HNRNPD: variants seen among roughly 807,000 people sequenced by gnomAD.
HNRNPD encodes the protein heterogeneous nuclear ribonucleoprotein D, also known as heterogeneous nuclear ribonucleoprotein D0.
In HNRNPD, 3 loss-of-function variants were observed where a neutral mutation model predicts 47.9. The ratio of observed to expected loss-of-function variants is 0.06; its 90% CI spans 0.03 to 0.16. HNRNPD has a LOEUF of 0.16. Among genes scored for constraint, HNRNPD ranks in the 10% least tolerant of loss-of-function variants. The pLI, the probability that HNRNPD is intolerant of heterozygous loss-of-function variation, is 1.00. For synonymous variants in HNRNPD, 171 were observed against 165.1 expected (o/e 1.04, Z -0.28); for missense variants, 287 against 454.2 (o/e 0.63, Z 3.35).
rs986204080 is a variant in HNRNPD, at chr4:82,358,457, T to C, written c.621+202A>G. On this transcript the variant is annotated intron_variant, in intron 4 of 8. Transcript: ENST00000313899. ...TACTCTACCCCAGCAATACTCTGCA[T>C]AGAGTAGGTGCTCAATGAGAAAAAC... is the stretch of plus-strand genomic sequence containing the variant. 8 of 523,038 alleles carry C rather than the reference T, an allele frequency of 1.5e-5. No homozygotes were observed. The Admixed American group carries it at 2.9e-4, about 19-fold the overall frequency. 32.4% of individuals were successfully genotyped at this position (523,038 alleles called of 1,614,324 possible).
intron 2 of HNRNPD, 68 bp from the exon 3 acceptor site, chr4:82,359,707 A>C (rs1349441802): frequency 5.8e-6 from 6 of 1,040,698 alleles, no homozygotes; most frequent in Non-Finnish European, 6.9e-6. Flanking sequence ...CACATCAATA[A>C]CACACCTTTT....
intron 2 of HNRNPD, among the ~76,000 whole-genome samples, chr4:82,363,369 T>C (rs1420449172): frequency 6.6e-6 from 1 of 152,210 alleles, no homozygotes; most frequent in Non-Finnish European, 1.5e-5. Context: ...CATGCCCGGC[T>C]AAATTATCTA....
At position 82,373,856 on chromosome 4, in the gene HNRNPD, C is replaced by T; in HGVS notation, c.-178G>A. On this transcript the variant is annotated 5_prime_UTR_variant, in exon 1 of 9. Transcript: ENST00000313899. ...CCTGCGCCTCTCCCTGGCCTGCCCCCTTCGCCTCCCACTCTCGCGCGGCGC... is the reference window on the plus strand; with the variant it reads ...CCTGCGCCTCTCCCTGGCCTGCCCCTTTCGCCTCCCACTCTCGCGCGGCGC... The T allele has an allele frequency of 5.1e-6, 7 of 1,362,764 alleles. No individual in the cohort carries two copies. The highest frequency in any genetic ancestry group is 5.8e-6 in the Non-Finnish European group (6 of 1,036,738). The allele number at this position is 1,362,764 out of a possible 1,614,324, so 84.4% of individuals were successfully genotyped here. A position where few individuals can be genotyped will look rare whatever the true frequency, so the allele number is the denominator to read the frequency against.
At chr4:82,364,319 T>C (rs1034985799) in intron 2 of HNRNPD, among the ~76,000 whole-genome samples, 4 of 152,342 alleles carry the variant, frequency 2.6e-5, no homozygotes, top group Admixed American at 1.3e-4. Context: ...AAGTCCAAGA[T>C]TGTTTTCCCA....
intron 3 of HNRNPD, among the ~76,000 whole-genome samples, chr4:82,359,254 A>T (rs1021432200): frequency 6.6e-6 from 1 of 152,176 alleles, no homozygotes; most frequent in Non-Finnish European, 1.5e-5. Flanking sequence ...AGTATCTTTA[A>T]AGTTAATTTC....
At chr4:82,370,077 G>T (rs1719962675) in intron 2 of HNRNPD, among the ~76,000 whole-genome samples, 1 of 152,204 alleles carries the variant, frequency 6.6e-6, no homozygotes, top group African/African-American at 2.4e-5. Context: ...GGGAGGTGGA[G>T]GTTGCGCTGA....
intron 1 of HNRNPD, among the ~76,000 whole-genome samples, chr4:82,372,432 ATT>A (rs1560441005): frequency 6.6e-6 from 1 of 152,180 alleles, no homozygotes. Context: ...ACAATACAGG[ATT>A]TGTTTCTCTT....
At chr4:82,362,563 T>C (rs962141771) in intron 2 of HNRNPD, among the ~76,000 whole-genome samples, 1 of 152,214 alleles carries the variant, frequency 6.6e-6, no homozygotes, top group South Asian at 2.1e-4. Flanking sequence ...ATTCCATCTT[T>C]ACTAAATGGA....
intron 1 of HNRNPD, among the ~76,000 whole-genome samples, chr4:82,371,788 C>T (rs1364858523): frequency 6.6e-6 from 1 of 152,178 alleles, no homozygotes; most frequent in Non-Finnish European, 1.5e-5. Context: ...GTGCCTCTGT[C>T]CAAAGAACAG....
At position 82,373,434 on chromosome 4, in the gene HNRNPD, C is replaced by T. The variant is rs773822184; in HGVS notation, c.233+12G>A. On this transcript the variant is annotated intron_variant, in intron 1 of 8. Transcript: ENST00000313899. ...AGTTGGGCCTGACTATCCTGGGATG[C>T]CCCTTACTCACCCTTCATCCTCCTC... is the stretch of plus-strand genomic sequence containing the variant. The T allele has an allele frequency of 1.9e-6, 3 of 1,571,358 alleles. No individual in the cohort carries two copies. Among genetic ancestry groups the T allele is most frequent in the East Asian group, 2.3e-5 (1 of 43,146 alleles).
At chr4:82,367,262 C>T (rs561410376) in intron 2 of HNRNPD, among the ~76,000 whole-genome samples, 2 of 152,156 alleles carry the variant, frequency 1.3e-5, no homozygotes, top group South Asian at 4.1e-4. Flanking sequence ...TCTCAATCAG[C>T]TTTGTAAGGT....
chr4:82,371,422 G>T, intron 2 of HNRNPD, 106 bp downstream of exon 2: 1 of 842,402 alleles, frequency 1.2e-6, no homozygotes, highest in Non-Finnish European at 1.9e-6. Flanking sequence ...ATGTACTATG[G>T]TCTAGAATTT....
Position 82,373,664 on chromosome 4 carries a change from C to G in HNRNPD, c.15G>C (p.Gln5His), listed in dbSNP as rs1020865681. Residue 5 changes from glutamine (Q) to histidine (H), a missense_variant, in exon 1 of 9, where the codon CAG (glutamine) becomes CAC (histidine). Physicochemically the swap from Gln to His is conservative, Grantham distance 24 (BLOSUM62 0). Around this residue, in one of 5 missense-constraint regions of HNRNPD, gnomAD observed 161 missense variants for 137.1 expected, o/e 1.17. Transcript: ENST00000313899. The stretch of plus-strand genomic sequence containing the variant: ...CTGCCGCCGCCCCGTCCCCGCCGAA[C>G]TGCTCCTCCGACATAGTGCTAGTGT... MSEE[Q>H]FGGDGAAAAA... 2.0e-6 allele frequency: 3 copies of G among 1,528,964 alleles called. No individual in the cohort carries two copies. The South Asian group carries it at 3.6e-5, about 18-fold the overall frequency. 94.7% of individuals were successfully genotyped at this position (1,528,964 alleles called of 1,614,324 possible).
intron 2 of HNRNPD, among the ~76,000 whole-genome samples, chr4:82,360,712 T>C (rs897163893): frequency 1.3e-5 from 2 of 152,080 alleles, no homozygotes; most frequent in African/African-American, 4.8e-5. Context: ...ATAAAGAAAT[T>C]AAAGGCCTTT....
intron 7 of HNRNPD, chr4:82,356,292 TA>T: frequency 2.5e-6 from 1 of 401,238 alleles, no homozygotes; most frequent in Non-Finnish European, 4.4e-6. Flanking sequence ...TTAAAATTTT[TA>T]AATCCAAGTA....
chr4:82,369,336 C>T (rs933741124), intron 2 of HNRNPD, among the ~76,000 whole-genome samples: 1 of 152,116 alleles, frequency 6.6e-6, no homozygotes, highest in Admixed American at 6.5e-5. Flanking sequence ...GGAGGGCATA[C>T]TATGGAAATA....
chr4:82,372,480 CAG>C (rs1720096911), intron 1 of HNRNPD, among the ~76,000 whole-genome samples: 2 of 151,872 alleles, frequency 1.3e-5, no homozygotes, highest in African/African-American at 4.8e-5. Flanking sequence ...GGGCGGGAAA[CAG>C]ATATCAAGAC....
intron 5 of HNRNPD, among the ~76,000 whole-genome samples, 183 bp downstream of exon 5, chr4:82,357,130 G>A (rs1560433537): frequency 6.6e-6 from 1 of 152,114 alleles, no homozygotes; most frequent in Non-Finnish European, 1.5e-5. Flanking sequence ...TTTTGTGAAA[G>A]CCTAGACAAA....
chr4:82,369,712 A>G (rs1256944586), intron 2 of HNRNPD, among the ~76,000 whole-genome samples: 1 of 152,058 alleles, frequency 6.6e-6, no homozygotes, highest in East Asian at 1.9e-4. Flanking sequence ...AGAGAGAAAA[A>G]AGTCTGAAAG....
Sources: allele counts gnomAD v4.1 joint callset (sites outside exome capture counted in the v4.1 genomes callset), GRCh38; gene constraint gnomAD v4.1.1; regional missense constraint gnomAD v4.1.1; transcripts MANE v1.5; gene names NCBI Gene and HGNC (gene_info 2026-07-23, HGNC 2026-07-21).